The following TRHR variants were observed in gnomAD, a reference collection of about 807,000 sequenced individuals.
TRHR encodes thyrotropin-releasing hormone receptor.
Under a neutral mutation model 28.0 loss-of-function variants are expected in TRHR, and 14 were observed. The ratio of observed to expected loss-of-function variants is 0.50; its 90% confidence interval spans 0.33 to 0.78. The LOEUF (loss-of-function observed/expected upper bound fraction) is 0.78, where lower values mean the gene tolerates loss of function less well. TRHR is among the 30% of genes least tolerant of loss of function. TRHR has a pLI of 0.02. For missense variants in TRHR, 438 were observed against 469.5 expected, an observed-to-expected ratio of 0.93 and a Z score of 0.62; for synonymous variants, 176 against 171.9, an observed-to-expected ratio of 1.02 and a Z score of -0.18.
chr8:109,118,563 A>C (rs975792963), intron 2 of TRHR, among the ~76,000 whole-genome samples: 1 of 151,848 alleles, frequency 6.6e-6, no homozygotes, highest in Non-Finnish European at 1.5e-5. Context: ...CCATAGCTGC[A>C]GTAGATGGTT....
At chr8:109,109,006 G>T (rs1176852377) in intron 2 of TRHR, among the ~76,000 whole-genome samples, 1 of 152,090 alleles carries the variant, frequency 6.6e-6, no homozygotes, top group Non-Finnish European at 1.5e-5. Flanking sequence ...ATCTTACCTA[G>T]CACACAGCTG....
intron 2 of TRHR, among the ~76,000 whole-genome samples, chr8:109,112,672 G>A (rs1167177342): frequency 3.3e-5 from 5 of 152,020 alleles, no homozygotes; most frequent in African/African-American, 1.2e-4. Flanking sequence ...ACAATATTAT[G>A]TCTTTCAAAT....
chr8:109,094,711 TG>T (rs946544717), intron 2 of TRHR, among the ~76,000 whole-genome samples: 2 of 151,500 alleles, frequency 1.3e-5, no homozygotes, highest in Admixed American at 6.6e-5. Flanking sequence ...ATTTGCATGT[TG>T]CAAATATAAA....
At chr8:109,087,318 C>T (rs1811446808) in intron 1 of TRHR, 107 bp from the exon 2 acceptor site, 2 of 658,410 alleles carry the variant, frequency 3.0e-6, no homozygotes, top group Admixed American at 2.4e-5. Flanking sequence ...GCCCTATTCC[C>T]ATAGAAAAAT....
intron 2 of TRHR, among the ~76,000 whole-genome samples, chr8:109,093,725 A>T (rs983196763): frequency 2.0e-5 from 3 of 151,836 alleles, no homozygotes; most frequent in Non-Finnish European, 4.4e-5. Flanking sequence ...TAAAGAATAC[A>T]TGTTTTGGGG....
intron 2 of TRHR, among the ~76,000 whole-genome samples, chr8:109,105,486 T>C (rs1174861827): frequency 6.6e-6 from 1 of 152,156 alleles, no homozygotes; most frequent in Non-Finnish European, 1.5e-5. Context: ...CTTTTAGACC[T>C]TGGGAACACA....
At chr8:109,099,001 G>A (rs1811637636) in intron 2 of TRHR, among the ~76,000 whole-genome samples, 1 of 152,110 alleles carries the variant, frequency 6.6e-6, no homozygotes, top group Admixed American at 6.6e-5. Flanking sequence ...CCTCCATGGT[G>A]CCTAGGGACA....
chr8:109,118,791 C>T (rs1183216199), intron 2 of TRHR, among the ~76,000 whole-genome samples: 1 of 151,836 alleles, frequency 6.6e-6, no homozygotes, highest in Non-Finnish European at 1.5e-5. Context: ...TTACTTGAGC[C>T]AGAGTTGGCT....
chr8:109,098,802 G>C (rs1811634710), intron 2 of TRHR, among the ~76,000 whole-genome samples: 1 of 152,150 alleles, frequency 6.6e-6, no homozygotes, highest in Non-Finnish European at 1.5e-5. Flanking sequence ...TCACCTCTCA[G>C]AGCAGGCTTT....
At chr8:109,107,885 G>A (rs978318537) in intron 2 of TRHR, among the ~76,000 whole-genome samples, 5 of 152,170 alleles carry the variant, frequency 3.3e-5, no homozygotes, top group Non-Finnish European at 7.4e-5. Flanking sequence ...AGTAGCAATG[G>A]TTTGTAAAGC....
At chr8:109,092,084 A>T (rs1316924454) in intron 2 of TRHR, among the ~76,000 whole-genome samples, 3 of 152,240 alleles carry the variant, frequency 2.0e-5, no homozygotes, top group Non-Finnish European at 2.9e-5. Context: ...TAATATCAAT[A>T]AATACATTCA....
chr8:109,102,278 A>C (rs1020724740), intron 2 of TRHR, among the ~76,000 whole-genome samples: 9 of 152,076 alleles, frequency 5.9e-5, no homozygotes, highest in African/African-American at 2.2e-4. Context: ...TGTCTGTTTA[A>C]ATTTTGATGG....
intron 2 of TRHR, among the ~76,000 whole-genome samples, chr8:109,115,374 G>A (rs930486944): frequency 2.6e-5 from 4 of 152,124 alleles, no homozygotes; most frequent in African/African-American, 9.7e-5. Flanking sequence ...GATGGGGATG[G>A]CATTGAAGCT....
chr8:109,093,351 T>C (rs1811541988), intron 2 of TRHR, among the ~76,000 whole-genome samples: 1 of 150,510 alleles, frequency 6.6e-6, no homozygotes, highest in Non-Finnish European at 1.5e-5. Flanking sequence ...CCATGTGTCT[T>C]CCGTCTTCTC....
chr8:109,103,212 C>A (rs1388376361), intron 2 of TRHR, among the ~76,000 whole-genome samples: 1 of 152,082 alleles, frequency 6.6e-6, no homozygotes, highest in Non-Finnish European at 1.5e-5. Flanking sequence ...CATCTTAAAC[C>A]AGGTCTTTCC....
At chr8:109,105,206 A>C (rs550923222) in intron 2 of TRHR, among the ~76,000 whole-genome samples, 2 of 152,178 alleles carry the variant, frequency 1.3e-5, no homozygotes, top group Non-Finnish European at 2.9e-5. Context: ...ATTTAGTGAT[A>C]TTAAGTTCAT....
At chr8:109,097,504 C>G (rs1401351061) in intron 2 of TRHR, among the ~76,000 whole-genome samples, 2 of 152,158 alleles carry the variant, frequency 1.3e-5, no homozygotes, top group Non-Finnish European at 2.9e-5. Context: ...ATACTCTCCT[C>G]TGGAACATTC....
At chr8:109,099,331 G>A (rs542407785) in intron 2 of TRHR, among the ~76,000 whole-genome samples, 1 of 152,264 alleles carries the variant, frequency 6.6e-6, no homozygotes, top group East Asian at 1.9e-4. Flanking sequence ...ACAAATAGGA[G>A]GCTAAAATGG....
At chr8:109,110,969 A>C (rs1163810584) in intron 2 of TRHR, among the ~76,000 whole-genome samples, 1 of 152,166 alleles carries the variant, frequency 6.6e-6, no homozygotes, top group Non-Finnish European at 1.5e-5. Flanking sequence ...CAGCCTGGCC[A>C]ACATGGTAAA....
Sources: allele counts gnomAD v4.1 joint callset (sites outside exome capture counted in the v4.1 genomes callset), GRCh38; gene constraint gnomAD v4.1.1; transcripts MANE v1.5; gene names NCBI Gene and HGNC (gene_info 2026-07-23, HGNC 2026-07-21).